Variants in STIP1 observed in about 807,000 individuals in gnomAD.
STIP1 encodes stress-induced-phosphoprotein 1.
STIP1 carries 16 observed loss-of-function variants against 77.4 expected under a neutral mutation model. That is an observed-to-expected ratio of 0.21 (90% confidence interval 0.14 to 0.31). The LOEUF (loss-of-function observed/expected upper bound fraction) is 0.31, where lower values mean the gene tolerates loss of function less well. Among genes scored for constraint, STIP1 ranks in the 10% least tolerant of loss-of-function variants. The pLI is 1.00. For synonymous variants in STIP1, 258 were observed against 246.6 expected, an observed-to-expected ratio of 1.05 and a Z score of -0.44; for missense variants, 524 against 684.8, an observed-to-expected ratio of 0.77 and a Z score of 2.62.
chr11:64,189,793 C>T (rs1946070756), intron 1 of STIP1, among the ~76,000 whole-genome samples: 1 of 152,168 alleles, frequency 6.6e-6, no homozygotes, highest in African/African-American at 2.4e-5. Context: ...AAATGCTTTT[C>T]TAAAGCATAG....
At chr11:64,200,372 A>G (rs1946204189) in intron 10 of STIP1, 79 bp downstream of exon 10, 8 of 1,519,400 alleles carry the variant, frequency 5.3e-6, no homozygotes, top group Admixed American at 2.2e-5. Flanking sequence ...CCTCATCAAC[A>G]TTGAGTTGAT....
chr11:64,185,612 T>C, upstream of STIP1: 1 of 616,044 alleles, frequency 1.6e-6, no homozygotes, highest in Non-Finnish European at 2.8e-6. Flanking sequence ...CGCCTGGAAC[T>C]CGCGGCACTC....
chr11:64,185,598 G>A, upstream of STIP1: 1 of 585,776 alleles, frequency 1.7e-6, no homozygotes, highest in Non-Finnish European at 3.0e-6. Flanking sequence ...GCGATCCCGG[G>A]GACCGCCTGG....
At chr11:64,198,004 T>C in intron 8 of STIP1, 30 bp downstream of exon 8, 1 of 1,584,976 alleles carries the variant, frequency 6.3e-7, no homozygotes, top group East Asian at 2.2e-5. Context: ...GGGTATTTTC[T>C]TGTTTTCCTA....
chr11:64,185,486 G>A, upstream of STIP1: 1 of 331,990 alleles, frequency 3.0e-6, no homozygotes, highest in Non-Finnish European at 5.6e-6. Flanking sequence ...AGGCCGGAGC[G>A]CTGGACAACG....
chr11:64,203,143 A>G lies in STIP1; in HGVS notation c.1301A>G (p.Lys434Arg), dbSNP rs751417985. The G allele has an allele frequency of 3.5e-5, 57 of 1,614,104 alleles. No homozygotes were observed. The highest frequency in any genetic ancestry group is 4.7e-5 in the Non-Finnish European group (56 of 1,180,052). Reference protein sequence around the residue: ...EPTFIKGYTRKAAALEAMKDY... With the variant: ...EPTFIKGYTRRAAALEAMKDY... ...TTTGTAGTCAAGGGTTATACACGGAAAGCCGCTGCGCTGGAAGCGATGAAG... is the reference window on the plus strand; with the variant it reads ...TTTGTAGTCAAGGGTTATACACGGAGAGCCGCTGCGCTGGAAGCGATGAAG... The change falls in exon 12 of 14, where the codon AAA becomes AGA. Residue 434 changes from lysine (K) to arginine (R), a missense_variant. Coordinates refer to ENST00000305218, the MANE Select transcript of STIP1 (RefSeq NM_006819.3).
At chr11:64,186,981 C>T (rs1045618771) in intron 1 of STIP1, among the ~76,000 whole-genome samples, 11 of 152,102 alleles carry the variant, frequency 7.2e-5, no homozygotes, top group South Asian at 2.1e-4. Flanking sequence ...GCCCCTCCCC[C>T]TCTTTTTGTA....
At chr11:64,187,525 T>A (rs1192980914) in intron 1 of STIP1, among the ~76,000 whole-genome samples, 1 of 152,224 alleles carries the variant, frequency 6.6e-6, no homozygotes, top group African/African-American at 2.4e-5. Context: ...GAGCCTTTGG[T>A]CTCTTGTAGC....
At chr11:64,193,389 A>G in intron 2 of STIP1, 102 bp downstream of exon 2, 2 of 1,012,998 alleles carry the variant, frequency 2.0e-6, no homozygotes, top group Non-Finnish European at 3.0e-6. Context: ...ATAGTTACCT[A>G]CCCACCTCCC....
In STIP1 at chr11:64,202,119, C is replaced by T. The variant is rs180780212; in HGVS notation, c.1246-757C>T. Among the ~76,000 whole-genome samples the T allele has an allele frequency of 1.5e-3, 227 of 152,344 alleles. 3 individuals are homozygous for T. The highest frequency in any genetic ancestry group is 1.7e-3 in the Non-Finnish European group (117 of 68,026). ...TCCAGTGCAGCACTGTCAGCACACG[C>T]GACCTCACCAGACCAAGGCCTGATG... On this transcript the variant is annotated intron_variant, in intron 10 of 13. Transcript: ENST00000305218.
At chr11:64,191,622 A>G (rs1329340053) in intron 1 of STIP1, among the ~76,000 whole-genome samples, 2 of 152,000 alleles carry the variant, frequency 1.3e-5, no homozygotes, top group African/African-American at 4.8e-5. Flanking sequence ...AATAATAATA[A>G]ATACAATGAG....
chr11:64,191,058 G>A (rs1029649622), intron 1 of STIP1, among the ~76,000 whole-genome samples: 1 of 151,912 alleles, frequency 6.6e-6, no homozygotes, highest in African/African-American at 2.4e-5. Flanking sequence ...GTGGTAGTGC[G>A]TGTCTGTAAT....
chr11:64,190,129 T>A (rs1028645124), intron 1 of STIP1, among the ~76,000 whole-genome samples: 4 of 151,962 alleles, frequency 2.6e-5, no homozygotes, highest in African/African-American at 9.7e-5. Flanking sequence ...GCCTGCTGAG[T>A]AGCTGGGACT....
In STIP1 at chr11:64,202,862, T is replaced by A; in HGVS notation, c.1246-14T>A. The A allele has an allele frequency of 6.2e-7, 1 of 1,614,198 alleles. No homozygotes were observed. ...AGGGAATGAGCCTAATTTCTTTCTGTTGCTTCATTCTAGGACTGTGAGGAA... is the reference window on the plus strand; with the variant it reads ...AGGGAATGAGCCTAATTTCTTTCTGATGCTTCATTCTAGGACTGTGAGGAA... On this transcript the variant is annotated splice_polypyrimidine_tract_variant and intron_variant, in intron 10 of 13. Transcript: ENST00000305218.
At chr11:64,195,109 A>T (rs1714718742) in intron 4 of STIP1, among the ~76,000 whole-genome samples, 1 of 151,300 alleles carries the variant, frequency 6.6e-6, no homozygotes, top group Non-Finnish European at 1.5e-5. Context: ...ATTTTATTTT[A>T]TTTTATTTTA....
chr11:64,193,043 C>T (rs1166542002), intron 1 of STIP1, 35 bp from the exon 2 acceptor site: 1 of 1,601,862 alleles, frequency 6.2e-7, no homozygotes, highest in African/African-American at 1.3e-5. Flanking sequence ...TAAATGGGCA[C>T]ATCATAGAGA....
chr11:64,188,708 A>G (rs1389590884), intron 1 of STIP1, among the ~76,000 whole-genome samples: 8 of 152,148 alleles, frequency 5.3e-5, no homozygotes, highest in Non-Finnish European at 5.9e-5. Flanking sequence ...TTAAATTACC[A>G]CTACTGGTGA....
At chr11:64,189,948 CTGAT>C (rs1946072958) in intron 1 of STIP1, among the ~76,000 whole-genome samples, 1 of 151,076 alleles carries the variant, frequency 6.6e-6, no homozygotes, top group African/African-American at 2.4e-5. Context: ...TGTAAGGTCT[CTGAT>C]TGATGGAAGT....
chr11:64,186,269 A>T lies in STIP1; in HGVS notation c.8A>T (p.Gln3Leu). Residue 3 changes from glutamine (Q) to leucine (L), a missense_variant and splice_region_variant, in exon 1 of 14, where the codon CAG becomes CTG. Gln to Leu is a moderately radical substitution (Grantham distance 113). Coordinates refer to ENST00000305218, the MANE Select transcript of STIP1 (RefSeq NM_006819.3). ME[Q>L]VNELKEKGNK... Reference sequence around the variant, plus strand: ...TCCGGACCGCGCTGCGCTATGGAGCAGGTGAAGGGGGAGGGGCGGGCTGAG... The same window carrying T: ...TCCGGACCGCGCTGCGCTATGGAGCTGGTGAAGGGGGAGGGGCGGGCTGAG... 7.7e-7 allele frequency: 1 copy of T among 1,299,154 alleles called. No homozygotes were observed. The highest frequency in any genetic ancestry group is 1.0e-6 in the Non-Finnish European group (1 of 998,816). 80.5% of individuals were successfully genotyped at this position (1,299,154 alleles called of 1,614,324 possible). A position where few individuals can be genotyped will look rare whatever the true frequency, so the allele number is the denominator to read the frequency against.
Sources: allele counts gnomAD v4.1 joint callset (sites outside exome capture counted in the v4.1 genomes callset), GRCh38; gene constraint gnomAD v4.1.1; transcripts MANE v1.5; gene names NCBI Gene and HGNC (gene_info 2026-07-23, HGNC 2026-07-21).